Variants in PLEKHB2 observed in about 807,000 individuals in gnomAD.
The protein encoded by PLEKHB2 is pleckstrin homology domain-containing family B member 2.
In PLEKHB2, 31 loss-of-function variants were observed where a neutral mutation model predicts 36.5. That is an observed-to-expected ratio of 0.85 (90% CI 0.64 to 1.15). The LOEUF is 1.15. Among genes scored for constraint, PLEKHB2 ranks in the 50% most tolerant of loss-of-function variants. The pLI, the probability that PLEKHB2 is intolerant of heterozygous loss-of-function variation, is 0.00. For missense variants in PLEKHB2, 262 were observed against 295.3 expected (o/e 0.89, Z 0.83); for synonymous variants, 119 against 112.0 (o/e 1.06, Z -0.39).
At chr2:131,128,291 C>T (rs1039390075) in intron 4 of PLEKHB2, among the ~76,000 whole-genome samples, 8 of 152,066 alleles carry the variant, frequency 5.3e-5, no homozygotes, top group African/African-American at 1.9e-4. Flanking sequence ...TAAACGTGAG[C>T]AGGATGTAAA....
chr2:131,139,150 T>G (rs1171152709), intron 6 of PLEKHB2, among the ~76,000 whole-genome samples: 1 of 152,218 alleles, frequency 6.6e-6, no homozygotes, highest in East Asian at 1.9e-4. Flanking sequence ...GCAGCTCTTC[T>G]CAGGGTCTTT....
At chr2:131,124,249 G>T (rs1238554471) in intron 2 of PLEKHB2, among the ~76,000 whole-genome samples, 1 of 152,182 alleles carries the variant, frequency 6.6e-6, no homozygotes, top group African/African-American at 2.4e-5. Flanking sequence ...TGAGGAGAGT[G>T]CCTGATACTA....
chr2:131,140,378 A>G (rs1573626569), intron 7 of PLEKHB2, 103 bp downstream of exon 7: 4 of 629,504 alleles, frequency 6.4e-6, no homozygotes, highest in South Asian at 2.0e-5. Flanking sequence ...TACATGAGCT[A>G]TATTTTCTGG....
At chr2:131,110,170 A>G (rs1206297001) in intron 1 of PLEKHB2, among the ~76,000 whole-genome samples, 4 of 152,162 alleles carry the variant, frequency 2.6e-5, no homozygotes, top group Non-Finnish European at 5.9e-5. Flanking sequence ...CTATTGATTT[A>G]CATGTAATCT....
chr2:131,128,539 G>A (rs1275664399), intron 4 of PLEKHB2, among the ~76,000 whole-genome samples: 1 of 152,186 alleles, frequency 6.6e-6, no homozygotes, highest in Non-Finnish European at 1.5e-5. Context: ...AATATATGCT[G>A]TGTGAGGGCA....
intron 1 of PLEKHB2, among the ~76,000 whole-genome samples, chr2:131,110,147 T>C (rs1695146573): frequency 6.6e-6 from 1 of 152,126 alleles, no homozygotes; most frequent in African/African-American, 2.4e-5. Context: ...TCTTTGTGGA[T>C]ATGGTAAAAT....
rs1270356107 is a variant in PLEKHB2, at chr2:131,147,805, A to AAT, written c.*1033_*1034insTA. The AAT allele has an allele frequency of 6.6e-6, 1 of 152,356 alleles. No homozygotes were observed. The allele number at this position is 152,356 out of a possible 1,614,324, so 9.4% of individuals were successfully genotyped here. On this transcript the variant is annotated 3_prime_UTR_variant, in exon 8 of 8. Transcript: ENST00000693505. ...AGAGTGAGACTCTGTCTCAAAAAAA[A>AAT]AAAAAAAATCCTGGAGAAGCCAGAA...
At chr2:131,120,759 G>A (rs760540471) in intron 1 of PLEKHB2, 175 bp from the exon 2 acceptor site, 23 of 695,468 alleles carry the variant, frequency 3.3e-5, no homozygotes, top group African/African-American at 5.3e-5. Flanking sequence ...TACAGAGTGC[G>A]GGGCACATGA....
intron 6 of PLEKHB2, among the ~76,000 whole-genome samples, chr2:131,138,727 A>G (rs770261578): frequency 1.3e-4 from 20 of 152,172 alleles, no homozygotes; most frequent in Non-Finnish European, 2.4e-4. Flanking sequence ...CACTGATACC[A>G]TGATTGCCAC....
At chr2:131,142,712 C>T (rs1346557337) in intron 7 of PLEKHB2, among the ~76,000 whole-genome samples, 2 of 152,040 alleles carry the variant, frequency 1.3e-5, no homozygotes, top group Middle Eastern at 3.4e-3. Flanking sequence ...GCATGTGCCA[C>T]CACACCTGGC....
chr2:131,147,908 C>G lies in PLEKHB2; in HGVS notation c.*1135C>G. 6.6e-6 allele frequency: 1 copy of G among 152,296 alleles called. No individual in the cohort carries two copies. The highest frequency in any genetic ancestry group is 1.5e-5 in the Non-Finnish European group (1 of 68,046). 9.4% of individuals were successfully genotyped at this position (152,296 alleles called of 1,614,324 possible). On this transcript the variant is annotated 3_prime_UTR_variant, in exon 8 of 8. Transcript: ENST00000693505. ...TTGAGTGTGTGTCTGCCTAAGCCTC[C>G]TTATAGCCTATTTTTCTACTTGCTG...
In PLEKHB2 at chr2:131,140,244, G is replaced by A. The variant is rs146254908; in HGVS notation, c.501G>A (p.Ala167=). The A allele has an allele frequency of 6.2e-5, 100 of 1,608,284 alleles. 2 individuals are homozygous for A. In the South Asian group the frequency reaches 7.6e-4, roughly 12 times the overall value. Residue 167 remains alanine (A), a synonymous_variant, in exon 7 of 8, where the codon GCG becomes GCA. Coordinates refer to ENST00000693505, the MANE Select transcript of PLEKHB2 (RefSeq NM_001100623.2). ...TTGTCTACGCTGCGAATGGGCAGGC[G>A]TATGCCGTGCCCTACCAGTACCCAT... The part of the protein sequence containing the change: ...TQVVYAANGQ[A]YAVPYQYPYA...
intron 5 of PLEKHB2, among the ~76,000 whole-genome samples, chr2:131,130,974 A>G (rs906548748): frequency 6.6e-6 from 1 of 152,108 alleles, no homozygotes; most frequent in African/African-American, 2.4e-5. Context: ...TTTTTTGTAG[A>G]GACGAAGTCT....
At chr2:131,146,615 T>G in intron 7 of PLEKHB2, 22 bp from the exon 8 acceptor site, 2 of 1,596,898 alleles carry the variant, frequency 1.3e-6, no homozygotes, top group South Asian at 1.1e-5. Flanking sequence ...CTCAGAAATC[T>G]GCTATTTTCC....
Position 131,149,488 on chromosome 2 carries a change from T to C in PLEKHB2, c.*2715T>C, listed in dbSNP as rs1411830207. On this transcript the variant is annotated 3_prime_UTR_variant, in exon 8 of 8. Transcript: ENST00000693505. ...TGGATACTAAAGAGAAGGAGAACTG[T>C]GGTTAATGTTTTGGATCATCATTTG... 6.6e-6 allele frequency: 1 copy of C among 152,212 alleles called. No individual in the cohort carries two copies. The highest frequency in any genetic ancestry group is 6.5e-5 in the Admixed American group (1 of 15,288). The allele number at this position is 152,212 out of a possible 1,614,324, so 9.4% of individuals were successfully genotyped here.
chr2:131,127,967 T>C (rs1697264374), intron 4 of PLEKHB2, among the ~76,000 whole-genome samples: 1 of 152,194 alleles, frequency 6.6e-6, no homozygotes, highest in Admixed American at 6.5e-5. Flanking sequence ...TTGGGTAATT[T>C]TCTGTCTGGT....
Position 131,131,676 on chromosome 2 carries a change from T to C in PLEKHB2, c.333+916T>C, listed in dbSNP as rs184873408. ...GCTTAATATCCTAATAGCGTCAGTG[T>C]TCTCTTCCTTTGTTAGCACACAACA... On this transcript the variant is annotated intron_variant, in intron 5 of 7. Coordinates refer to ENST00000693505, the MANE Select transcript of PLEKHB2 (RefSeq NM_001100623.2). 2.6e-5 allele frequency among the ~76,000 whole-genome samples: 4 copies of C among 152,212 alleles called. No homozygotes were observed. The East Asian group carries it at 7.7e-4, about 29-fold the overall frequency.
chr2:131,116,858 G>A (rs754502709), intron 1 of PLEKHB2, among the ~76,000 whole-genome samples: 6 of 152,210 alleles, frequency 3.9e-5, no homozygotes, highest in Admixed American at 6.5e-5. Flanking sequence ...AGGCACAGTG[G>A]CTCATGCCTG....
Position 131,116,316 on chromosome 2 carries a change from A to G in PLEKHB2, c.-8-4618A>G, listed in dbSNP as rs535084837. Among the ~76,000 whole-genome samples, 19 of 152,328 alleles carry G rather than the reference A, an allele frequency of 1.2e-4. No individual in the cohort carries two copies. The East Asian group carries it at 3.5e-3, about 28-fold the overall frequency. On this transcript the variant is annotated intron_variant, in intron 1 of 7. Transcript: ENST00000693505. Reference sequence around the variant, plus strand: ...TTGAGACTCAACTGCCTGAAAAGTAAGAGAAACCCAGGCTAACCTCAAGGA... The same window carrying G: ...TTGAGACTCAACTGCCTGAAAAGTAGGAGAAACCCAGGCTAACCTCAAGGA...
Sources: allele counts gnomAD v4.1 joint callset (sites outside exome capture counted in the v4.1 genomes callset), GRCh38; gene constraint gnomAD v4.1.1; transcripts MANE v1.5; gene names NCBI Gene and HGNC (gene_info 2026-07-23, HGNC 2026-07-21).